Variants in BMPR1B observed in about 807,000 individuals in gnomAD.
BMPR1B encodes the protein bone morphogenetic protein receptor type 1B, also known as bone morphogenetic protein receptor type-1B.
BMPR1B carries 12 observed loss-of-function variants against 59.1 expected under a neutral mutation model. That is an observed-to-expected ratio of 0.20 (90% confidence interval 0.13 to 0.33). The LOEUF is 0.33. Among genes scored for constraint, BMPR1B ranks in the 10% least tolerant of loss-of-function variants. The pLI, the probability that BMPR1B is intolerant of heterozygous loss-of-function variation, is 1.00. For synonymous variants in BMPR1B, 237 were observed against 207.3 expected (o/e 1.14, Z -1.23); for missense variants, 550 against 610.9 (o/e 0.90, Z 1.05).
intron 2 of BMPR1B, among the ~76,000 whole-genome samples, chr4:94,980,481 T>G (rs1731195018): frequency 6.6e-6 from 1 of 152,152 alleles, no homozygotes; most frequent in Non-Finnish European, 1.5e-5. Flanking sequence ...GGCCCCTCTT[T>G]GTATGGAGTC....
intron 1 of BMPR1B, among the ~76,000 whole-genome samples, chr4:94,770,888 C>CAAAAAAAAAAAAAAAAAAAA (rs11292596): frequency 1.1e-5 from 1 of 88,296 alleles, no homozygotes; most frequent in Non-Finnish European, 2.3e-5. Flanking sequence ...ATTAGCCCTG[C>CAAAAAAAAAAAAAAAAAAAA]AAAAAAAAAA....
At chr4:95,088,981 T>C (rs1395321056) in intron 3 of BMPR1B, among the ~76,000 whole-genome samples, 1 of 152,186 alleles carries the variant, frequency 6.6e-6, no homozygotes, top group Non-Finnish European at 1.5e-5. Flanking sequence ...GTAAAATGTT[T>C]TGTTTGATCT....
At chr4:94,840,629 C>G (rs1401802042) in intron 1 of BMPR1B, among the ~76,000 whole-genome samples, 2 of 145,324 alleles carry the variant, frequency 1.4e-5, no homozygotes, top group East Asian at 1.9e-4. Flanking sequence ...CCTTTAAGCA[C>G]TTCTTTGTAT....
At chr4:94,789,625 A>G (rs113301734) in intron 1 of BMPR1B, among the ~76,000 whole-genome samples, 6 of 152,356 alleles carry the variant, frequency 3.9e-5, no homozygotes, top group Admixed American at 2.0e-4. Context: ...GTAATAAGTC[A>G]TTAGCAAAAA....
At chr4:94,823,779 G>A (rs750728477) in intron 1 of BMPR1B, among the ~76,000 whole-genome samples, 2 of 150,954 alleles carry the variant, frequency 1.3e-5, no homozygotes, top group East Asian at 3.9e-4. Flanking sequence ...ATGGAGTCTC[G>A]CTCTGTCGCC....
intron 10 of BMPR1B, among the ~76,000 whole-genome samples, chr4:95,136,657 G>A (rs1430136922): frequency 6.6e-6 from 1 of 152,146 alleles, no homozygotes; most frequent in East Asian, 1.9e-4. Flanking sequence ...ATGTGTCGAG[G>A]AATTTATCCA....
At chr4:95,070,056 G>A (rs1029206929) in intron 3 of BMPR1B, among the ~76,000 whole-genome samples, 6 of 152,148 alleles carry the variant, frequency 3.9e-5, no homozygotes, top group African/African-American at 1.2e-4. Flanking sequence ...CCAAGATTGC[G>A]CCATTGCACT....
intron 2 of BMPR1B, among the ~76,000 whole-genome samples, chr4:94,892,333 CT>C (rs1727433184): frequency 6.6e-6 from 1 of 151,992 alleles, no homozygotes; most frequent in Admixed American, 6.6e-5. Context: ...CTGAATCTAC[CT>C]TTTAATAAGA....
At chr4:94,826,858 T>G (rs905788052) in intron 1 of BMPR1B, among the ~76,000 whole-genome samples, 1 of 152,176 alleles carries the variant, frequency 6.6e-6, no homozygotes, top group African/African-American at 2.4e-5. Context: ...AGAAACAGTT[T>G]TGCCAATAAA....
At chr4:94,954,601 T>C (rs1230543486) in intron 2 of BMPR1B, among the ~76,000 whole-genome samples, 4 of 152,210 alleles carry the variant, frequency 2.6e-5, no homozygotes. Context: ...AGAGTGGGAC[T>C]TGAGAGCCTG....
At chr4:95,064,243 A>G (rs1329491808) in intron 3 of BMPR1B, among the ~76,000 whole-genome samples, 2 of 152,218 alleles carry the variant, frequency 1.3e-5, no homozygotes, top group Non-Finnish European at 2.9e-5. Context: ...CAACCCCTGG[A>G]CCATGGACTG....
At chr4:94,808,474 G>A (rs1723692378) in intron 1 of BMPR1B, among the ~76,000 whole-genome samples, 1 of 152,130 alleles carries the variant, frequency 6.6e-6, no homozygotes, top group Non-Finnish European at 1.5e-5. Context: ...ACTGTGAGAT[G>A]TTTAATTTGG....
At chr4:95,011,969 A>G (rs977246960) in intron 3 of BMPR1B, among the ~76,000 whole-genome samples, 1 of 152,036 alleles carries the variant, frequency 6.6e-6, no homozygotes, top group African/African-American at 2.4e-5. Flanking sequence ...CAGTGAGCCA[A>G]GATCCCACCA....
At chr4:95,083,435 T>A (rs577037232) in intron 3 of BMPR1B, among the ~76,000 whole-genome samples, 1 of 152,260 alleles carries the variant, frequency 6.6e-6, no homozygotes, top group Admixed American at 6.5e-5. Context: ...AAATTTACAG[T>A]GTTTTTCAAA....
At chr4:95,055,448 A>AAT (rs1380319535) in intron 3 of BMPR1B, among the ~76,000 whole-genome samples, 1 of 152,190 alleles carries the variant, frequency 6.6e-6, no homozygotes, top group African/African-American at 2.4e-5. Flanking sequence ...CATATGGCAA[A>AAT]ATATACTGAA....
chr4:94,773,200 T>C lies in BMPR1B; in HGVS notation c.-183+15132T>C, dbSNP rs543370017. On this transcript the variant is annotated intron_variant, in intron 1 of 12. Coordinates refer to ENST00000515059, the MANE Select transcript of BMPR1B (RefSeq NM_001203.3). ...ACAGGAAAGGTCATAATCTAGAATC[T>C]GGACTGATCACTTAAAATGGAATAT... Among the ~76,000 whole-genome samples the C allele has an allele frequency of 6.3e-4, 96 of 152,266 alleles. 1 individual carries two copies. Among genetic ancestry groups the C allele is most frequent in the African/African-American group, 1.9e-3 (78 of 41,578 alleles).
chr4:95,063,039 A>G (rs1238547302), intron 3 of BMPR1B, among the ~76,000 whole-genome samples: 2 of 152,012 alleles, frequency 1.3e-5, no homozygotes, highest in African/African-American at 4.8e-5. Context: ...TGGCAAAATT[A>G]CTCCCCCAAG....
chr4:95,004,421 G>T (rs938489514), intron 3 of BMPR1B, among the ~76,000 whole-genome samples: 1 of 152,070 alleles, frequency 6.6e-6, no homozygotes. Context: ...TAAGCAGGTT[G>T]TTCTTCTATT....
intron 1 of BMPR1B, among the ~76,000 whole-genome samples, chr4:94,851,958 T>C (rs1289071246): frequency 6.6e-6 from 1 of 152,220 alleles, no homozygotes; most frequent in Non-Finnish European, 1.5e-5. Context: ...TCATAGTGTG[T>C]TATCAGTAAG....
Sources: allele counts gnomAD v4.1 joint callset (sites outside exome capture counted in the v4.1 genomes callset), GRCh38; gene constraint gnomAD v4.1.1; transcripts MANE v1.5; gene names NCBI Gene and HGNC (gene_info 2026-07-23, HGNC 2026-07-21).